The following PPP4R1 variants were observed in gnomAD, a reference collection of about 807,000 sequenced individuals.
PPP4R1 encodes the protein protein phosphatase 4 regulatory subunit 1, also known as serine/threonine-protein phosphatase 4 regulatory subunit 1.
PPP4R1 carries 42 observed loss-of-function variants against 111.2 expected under a neutral mutation model. The observed-to-expected ratio is 0.38, with a 90% CI of 0.29 to 0.49. The LOEUF (loss-of-function observed/expected upper bound fraction) is 0.49. Among genes scored for constraint, PPP4R1 ranks in the 20% least tolerant of loss-of-function variants. The pLI, the probability that PPP4R1 is intolerant of heterozygous loss-of-function variation, is 0.97. For synonymous variants in PPP4R1, 409 were observed against 405.5 expected, an observed-to-expected ratio of 1.01 and a Z score of -0.10; for missense variants, 1,012 against 1,161.6, an observed-to-expected ratio of 0.87 and a Z score of 1.87.
Position 9,588,050 on chromosome 18 carries a change from C to A in PPP4R1, c.585+39G>T, listed in dbSNP as rs757075858. 3 of 1,611,202 alleles carry A rather than the reference C, an allele frequency of 1.9e-6. No homozygotes were observed. In the South Asian group the frequency reaches 3.3e-5, roughly 18 times the overall value. On this transcript the variant is annotated intron_variant, in intron 6 of 19. Coordinates refer to ENST00000400556, the MANE Select transcript of PPP4R1 (RefSeq NM_001042388.3). ...ACTTTTAATAAGCACCTCTTATCAG[C>A]CACATTTTGCATAAGTGGAAAAATG... is the stretch of plus-strand genomic sequence containing the variant.
chr18:9,578,571 CATA>C (rs2066975979), intron 9 of PPP4R1, among the ~76,000 whole-genome samples: 1 of 148,236 alleles, frequency 6.7e-6, no homozygotes, highest in Non-Finnish European at 1.5e-5. Flanking sequence ...AAAAAAAAAG[CATA>C]ATAATACCTT....
At position 9,607,285 on chromosome 18, in the gene PPP4R1, C is replaced by T. The variant is rs548771429; in HGVS notation, c.52+6941G>A. Reference sequence around the variant, plus strand: ...CTGAGGTGGGAGGATTACTTGAGTCCGGGAAGCAGACGTTGCAGTGAGCCA... The same window carrying T: ...CTGAGGTGGGAGGATTACTTGAGTCTGGGAAGCAGACGTTGCAGTGAGCCA... On this transcript the variant is annotated intron_variant, in intron 2 of 19. Coordinates refer to ENST00000400556, the MANE Select transcript of PPP4R1 (RefSeq NM_001042388.3). 6.6e-5 allele frequency among the ~76,000 whole-genome samples: 10 copies of T among 151,352 alleles called. No homozygotes were observed. The East Asian group carries it at 1.2e-3, about 18-fold the overall frequency.
intron 7 of PPP4R1, 28 bp downstream of exon 7, chr18:9,584,693 C>T: frequency 6.2e-7 from 1 of 1,609,200 alleles, no homozygotes; most frequent in Non-Finnish European, 8.5e-7. Context: ...TGTTCTTAAA[C>T]AGCAGAAAAA....
intron 4 of PPP4R1, among the ~76,000 whole-genome samples, chr18:9,591,024 T>G (rs1198496711): frequency 6.6e-6 from 1 of 152,046 alleles, no homozygotes; most frequent in Non-Finnish European, 1.5e-5. Context: ...GACTACCAAT[T>G]TTTTAAAGGG....
intron 9 of PPP4R1, among the ~76,000 whole-genome samples, chr18:9,577,473 T>C (rs1175047703): frequency 1.3e-5 from 2 of 152,188 alleles, no homozygotes; most frequent in Admixed American, 1.3e-4. Context: ...GAGACCAGCC[T>C]GGGCAACATG....
At chr18:9,554,568 A>T (rs79420157) in intron 15 of PPP4R1, among the ~76,000 whole-genome samples, 6,303 of 145,344 alleles carry the variant, frequency 0.043, 398 homozygotes, top group African/African-American at 0.15. Context: ...TAATTTAATT[A>T]AAAAAAAAAG....
chr18:9,558,062 TATA>T (rs1480442987), intron 14 of PPP4R1, among the ~76,000 whole-genome samples: 1 of 152,220 alleles, frequency 6.6e-6, no homozygotes, highest in Non-Finnish European at 1.5e-5. Context: ...GTGTTGCATT[TATA>T]ATAATTTTAA....
chr18:9,547,880 C>A lies in PPP4R1; in HGVS notation c.2762G>T (p.Arg921Leu), dbSNP rs767660565. The change falls in exon 20 of 20, where the codon CGT becomes CTT. Residue 921 changes from arginine (R) to leucine (L), a missense_variant. Arg to Leu is a moderately radical substitution (Grantham distance 102). This residue lies in a region of PPP4R1 where 305 missense variants were observed against 419.5 expected (regional missense o/e 0.73). Coordinates refer to ENST00000400556, the MANE Select transcript of PPP4R1 (RefSeq NM_001042388.3). ...EQTIMALQMDRDSDVKYFASI... is the reference protein window; with the variant it reads ...EQTIMALQMDLDSDVKYFASI... ...TGCAAAATACTTGACATCGCTGTCA[C>A]GGTCCATCTGAAGAGCCATGATGGT... 1 of 1,613,926 alleles carries A rather than the reference C, an allele frequency of 6.2e-7. No individual in the cohort carries two copies. Among genetic ancestry groups the A allele is most frequent in the Non-Finnish European group, 8.5e-7 (1 of 1,180,022 alleles).
intron 2 of PPP4R1, among the ~76,000 whole-genome samples, chr18:9,600,914 T>C (rs1367786902): frequency 1.3e-5 from 2 of 152,086 alleles, no homozygotes; most frequent in African/African-American, 4.8e-5. Flanking sequence ...GGAGTGGCTA[T>C]ATTATTATGA....
chr18:9,548,318 A>G (rs1205381892), intron 19 of PPP4R1, among the ~76,000 whole-genome samples: 1 of 151,750 alleles, frequency 6.6e-6, no homozygotes, highest in Non-Finnish European at 1.5e-5. Flanking sequence ...ATATTCATTT[A>G]TCCTTATTCT....
At chr18:9,599,114 T>A (rs2067338112) in intron 2 of PPP4R1, among the ~76,000 whole-genome samples, 1 of 152,076 alleles carries the variant, frequency 6.6e-6, no homozygotes, top group Non-Finnish European at 1.5e-5. Context: ...ACTGCTTAAA[T>A]AAAAATACGT....
At chr18:9,587,862 C>T (rs1384963291) in intron 6 of PPP4R1, among the ~76,000 whole-genome samples, 3 of 151,954 alleles carry the variant, frequency 2.0e-5, no homozygotes, top group Non-Finnish European at 4.4e-5. Context: ...ACTACAGGCG[C>T]ACACCACCAT....
rs1368495967 is a variant in PPP4R1, at chr18:9,570,583, T to C, written c.1147A>G (p.Met383Val). 2 of 1,614,108 alleles carry C rather than the reference T, an allele frequency of 1.2e-6. No homozygotes were observed. The highest frequency in any genetic ancestry group is 1.3e-5 in the African/African-American group (1 of 74,936). The change falls in exon 11 of 20, where the codon ATG becomes GTG. Residue 383 changes from methionine (M) to valine (V), a missense_variant. Around this residue, in one of 2 missense-constraint regions of PPP4R1, gnomAD observed 707 missense variants for 742.1 expected, o/e 0.95. Coordinates refer to ENST00000400556, the MANE Select transcript of PPP4R1 (RefSeq NM_001042388.3). ...GATGCCTCAGCAGCATGGTCTTCCA[T>C]CGTGTTTTCCAGTATGACACTGGAA... ...SNSSVILENT[M>V]EDHAAEASGK...
chr18:9,568,587 A>G (rs527882389), intron 11 of PPP4R1, among the ~76,000 whole-genome samples: 3 of 152,338 alleles, frequency 2.0e-5, no homozygotes, highest in African/African-American at 7.2e-5. Context: ...TTATTTGCTG[A>G]AAGAAAAACT....
At chr18:9,597,500 T>C (rs765233151) in intron 2 of PPP4R1, among the ~76,000 whole-genome samples, 10 of 152,204 alleles carry the variant, frequency 6.6e-5, no homozygotes, top group Non-Finnish European at 1.3e-4. Flanking sequence ...AGGAAACTAG[T>C]CGGTATTCTG....
rs879343258 is a variant in PPP4R1 at position 9,555,861 on chromosome 18, GCA to G, written c.2190+1358_2190+1359del. 9.1e-3 allele frequency among the ~76,000 whole-genome samples: 1,381 copies of G among 152,184 alleles called. 48 individuals carry two copies. The highest frequency in any genetic ancestry group is 0.09 in the East Asian group (465 of 5,170). ...GACAATCAGAAAAATTTTAGGCCAG[GCA>G]TGGTGGCTCACGCCTGTAATCCCAG... is the stretch of plus-strand genomic sequence containing the variant. On this transcript the variant is annotated intron_variant, in intron 15 of 19. Transcript: ENST00000400556.
chr18:9,600,391 G>A (rs556255877), intron 2 of PPP4R1, among the ~76,000 whole-genome samples: 4 of 151,730 alleles, frequency 2.6e-5, no homozygotes, highest in South Asian at 2.1e-4. Context: ...CAGAATCACA[G>A]ACCTAAATGC....
chr18:9,608,454 T>C (rs1264016975), intron 2 of PPP4R1, among the ~76,000 whole-genome samples: 2 of 152,218 alleles, frequency 1.3e-5, no homozygotes, highest in African/African-American at 4.8e-5. Context: ...TAAGTTAAGT[T>C]TGCTCCTTAG....
At chr18:9,557,131 A>T in intron 15 of PPP4R1, 90 bp downstream of exon 15, 1 of 1,288,924 alleles carries the variant, frequency 7.8e-7, no homozygotes, top group Middle Eastern at 2.8e-4. Context: ...TAGAAACACA[A>T]AGAAACCTCT....
Sources: gnomAD v4.1 joint callset for allele counts (sites outside exome capture counted in the v4.1 genomes callset) on GRCh38, gnomAD v4.1.1 for gene constraint, gnomAD v4.1.1 regional missense constraint, MANE v1.5 for transcripts, NCBI Gene and HGNC (gene_info 2026-07-23, HGNC 2026-07-21) for gene names.